Variants in SLIT3 observed in about 807,000 individuals in gnomAD.
The protein encoded by SLIT3 is slit guidance ligand 3, also known as slit homolog 3 protein.
SLIT3 carries 68 observed loss-of-function variants against 184.0 expected under a neutral mutation model. That is an observed-to-expected ratio of 0.37 (90% CI 0.30 to 0.45). The LOEUF is 0.45. SLIT3 is among the 20% of genes least tolerant of loss of function. The pLI, the probability that SLIT3 is intolerant of heterozygous loss-of-function variation, is 1.00. For missense variants in SLIT3, 1,707 were observed against 2,026.0 expected (o/e 0.84, Z 3.02); for synonymous variants, 831 against 828.6 (o/e 1.00, Z -0.05).
chr5:169,244,317 C>A (rs1231056698), intron 3 of SLIT3, among the ~76,000 whole-genome samples: 1 of 152,192 alleles, frequency 6.6e-6, no homozygotes, highest in East Asian at 1.9e-4. Flanking sequence ...GAGCTTCTGC[C>A]CGTGCAGAGG....
intron 4 of SLIT3, among the ~76,000 whole-genome samples, chr5:169,102,559 GTAT>G (rs1017962294): frequency 1.3e-5 from 2 of 152,058 alleles, no homozygotes; most frequent in Non-Finnish European, 2.9e-5. Flanking sequence ...TTTAAAATTT[GTAT>G]TATTTTTATT....
intron 4 of SLIT3, among the ~76,000 whole-genome samples, chr5:169,087,902 A>T (rs1283309608): frequency 1.3e-5 from 2 of 152,226 alleles, no homozygotes; most frequent in African/African-American, 4.8e-5. Flanking sequence ...AAAGGAAAAC[A>T]AATTGCTCTG....
rs376239799 is a variant in SLIT3 at position 168,795,543 on chromosome 5, G to A, written c.971C>T (p.Ala324Val). 2 of 1,613,844 alleles carry A rather than the reference G, an allele frequency of 1.2e-6. No individual in the cohort carries two copies. Among genetic ancestry groups the A allele is most frequent in the Admixed American group, 1.7e-5 (1 of 60,010 alleles). Residue 324 changes from alanine (A) to valine (V), a missense_variant, in exon 10 of 36, where the codon GCA becomes GTA. Ala to Val is a moderately conservative substitution (Grantham distance 64). Transcript: ENST00000519560. ...TTTCTTGTACTGGGTGAAGGCTCCT[G>A]CAGGGATGGCTTTGATGGAGTTCTG... ...LEQNSIKAIP[A>V]GAFTQYKKLK...
At chr5:168,686,828 G>T (rs1473694416) in intron 30 of SLIT3, 151 bp downstream of exon 30, 2 of 820,386 alleles carry the variant, frequency 2.4e-6, no homozygotes, top group Non-Finnish European at 3.9e-6. Flanking sequence ...TGTAAGGACT[G>T]CAAAGGTATC....
chr5:168,776,377 T>C (rs948842100), intron 12 of SLIT3, among the ~76,000 whole-genome samples: 1 of 152,072 alleles, frequency 6.6e-6, no homozygotes, highest in Non-Finnish European at 1.5e-5. Context: ...TGCCTGGCAG[T>C]GGAAAAAAAA....
At chr5:169,169,036 G>A (rs1196497617) in intron 4 of SLIT3, among the ~76,000 whole-genome samples, 3 of 92,366 alleles carry the variant, frequency 3.2e-5, no homozygotes, top group Non-Finnish European at 8.9e-5. Context: ...TCAGCCCAGA[G>A]TGGGGGGGGG....
chr5:169,232,697 C>T (rs1040592910), intron 3 of SLIT3, among the ~76,000 whole-genome samples: 1 of 152,174 alleles, frequency 6.6e-6, no homozygotes, highest in African/African-American at 2.4e-5. Flanking sequence ...CACAGAGCCA[C>T]CTTTGTTAAA....
chr5:169,058,431 G>A (rs956400100), intron 4 of SLIT3, among the ~76,000 whole-genome samples: 2 of 152,190 alleles, frequency 1.3e-5, no homozygotes, highest in African/African-American at 4.8e-5. Context: ...TAAGAACGCA[G>A]GTCAAGGAGG....
rs189826846 is a variant in SLIT3 at position 168,991,157 on chromosome 5, A to G, written c.414-107821T>C. On this transcript the variant is annotated intron_variant, in intron 4 of 35. Coordinates refer to ENST00000519560, the MANE Select transcript of SLIT3 (RefSeq NM_003062.4). ...CAAGAATATCTAACTATAGTAACTC[A>G]TAATAGCTAATGTTTTGGGGAGTGG... 2.0e-5 allele frequency among the ~76,000 whole-genome samples: 3 copies of G among 152,386 alleles called. No individual in the cohort carries two copies. The East Asian group carries it at 5.8e-4, about 29-fold the overall frequency.
chr5:168,961,936 C>G (rs1222840297), intron 4 of SLIT3, among the ~76,000 whole-genome samples: 1 of 151,962 alleles, frequency 6.6e-6, no homozygotes, highest in Non-Finnish European at 1.5e-5. Flanking sequence ...AAAGACCACT[C>G]TGGGTATGAT....
intron 4 of SLIT3, among the ~76,000 whole-genome samples, chr5:169,098,911 G>A (rs527359227): frequency 6.6e-6 from 1 of 152,176 alleles, no homozygotes; most frequent in East Asian, 1.9e-4. Context: ...GGGTAGGAGG[G>A]TCACACACCT....
At chr5:169,297,772 A>G (rs1312191444) in intron 1 of SLIT3, among the ~76,000 whole-genome samples, 1 of 152,150 alleles carries the variant, frequency 6.6e-6, no homozygotes, top group African/African-American at 2.4e-5. Context: ...CAATGGTTCT[A>G]TATACAGTTT....
chr5:169,132,164 A>T (rs1428050370), intron 4 of SLIT3, among the ~76,000 whole-genome samples: 1 of 152,204 alleles, frequency 6.6e-6, no homozygotes. Flanking sequence ...CCTGTGGACG[A>T]TAACGGGGTA....
chr5:168,979,906 A>T (rs1754893201), intron 4 of SLIT3, among the ~76,000 whole-genome samples: 1 of 152,126 alleles, frequency 6.6e-6, no homozygotes, highest in African/African-American at 2.4e-5. Context: ...TTTGCTGGGG[A>T]TCAGCAGACC....
chr5:168,961,686 G>A (rs1474438574), intron 4 of SLIT3, among the ~76,000 whole-genome samples: 3 of 152,164 alleles, frequency 2.0e-5, no homozygotes, highest in African/African-American at 7.2e-5. Flanking sequence ...GCAGAAAGCA[G>A]GATGGGTTAG....
chr5:168,681,354 T>C (rs1761584325), intron 32 of SLIT3, among the ~76,000 whole-genome samples: 1 of 152,154 alleles, frequency 6.6e-6, no homozygotes, highest in Admixed American at 6.5e-5. Flanking sequence ...GCCTGGTAGA[T>C]GTGGAATGAG....
intron 3 of SLIT3, among the ~76,000 whole-genome samples, chr5:169,203,351 G>GCA (rs36206656): frequency 0.11 from 15,889 of 147,358 alleles, 912 homozygotes; most frequent in Non-Finnish European, 0.14. Context: ...ATGTGAATGT[G>GCA]CACACACACA....
At chr5:168,827,856 T>C (rs1757754247) in intron 6 of SLIT3, among the ~76,000 whole-genome samples, 1 of 152,230 alleles carries the variant, frequency 6.6e-6, no homozygotes, top group African/African-American at 2.4e-5. Flanking sequence ...TTTGTAAAAC[T>C]GGTTTTACGC....
At chr5:168,817,769 A>T (rs1757384075) in intron 7 of SLIT3, among the ~76,000 whole-genome samples, 1 of 152,230 alleles carries the variant, frequency 6.6e-6, no homozygotes, top group African/African-American at 2.4e-5. Context: ...TGACATTATT[A>T]CAGTGACATC....
Sources: gnomAD v4.1 joint callset for allele counts (sites outside exome capture counted in the v4.1 genomes callset) on GRCh38, gnomAD v4.1.1 for gene constraint, MANE v1.5 for transcripts, NCBI Gene and HGNC (gene_info 2026-07-23, HGNC 2026-07-21) for gene names.